Variants in ZNF106 observed in about 807,000 individuals in gnomAD.
ZNF106 encodes the protein zinc finger protein 106.
ZNF106 carries 67 observed loss-of-function variants against 195.1 expected under a neutral mutation model. That is an observed-to-expected ratio of 0.34 (90% CI 0.28 to 0.42). The LOEUF is 0.42. Ranked by LOEUF, ZNF106 falls within the 10% of genes least tolerant of loss-of-function variation. The pLI is 1.00. For missense variants in ZNF106, 2,118 were observed against 2,304.5 expected (o/e 0.92, Z 1.66); for synonymous variants, 784 against 818.6 (o/e 0.96, Z 0.72).
intron 3 of ZNF106, among the ~76,000 whole-genome samples, chr15:42,464,690 C>G (rs2056474005): frequency 6.6e-6 from 1 of 151,894 alleles, no homozygotes; most frequent in Admixed American, 6.6e-5. Flanking sequence ...CTATGCCCAG[C>G]TAATTTTGGG....
Position 42,472,223 on chromosome 15 carries a change from C to A in ZNF106, c.54+13G>T, listed in dbSNP as rs1432534549. On this transcript the variant is annotated intron_variant, in intron 2 of 21. Transcript: ENST00000564754. ...AGTCATAAAGCCTCAGATTCTCCCTCTTCCATTATTACCTTTTTTGAGCTG... is the reference window on the plus strand; with the variant it reads ...AGTCATAAAGCCTCAGATTCTCCCTATTCCATTATTACCTTTTTTGAGCTG... 1 of 1,534,060 alleles carries A rather than the reference C, an allele frequency of 6.5e-7. No homozygotes were observed. Among genetic ancestry groups the A allele is most frequent in the Admixed American group, 2.0e-5 (1 of 50,842 alleles).
At chr15:42,442,052 C>T (rs775536413) in intron 10 of ZNF106, 21 bp downstream of exon 10, 4 of 1,583,226 alleles carry the variant, frequency 2.5e-6, no homozygotes, top group Non-Finnish European at 3.4e-6. Context: ...ATGCCCTTAA[C>T]CCAGAGAAAA....
At chr15:42,449,666 G>T (rs2055909249) in intron 5 of ZNF106, 105 bp downstream of exon 5, 1 of 1,425,906 alleles carries the variant, frequency 7.0e-7, no homozygotes, top group Non-Finnish European at 9.5e-7. Flanking sequence ...GATATTGTTG[G>T]CAAACATTTA....
At chr15:42,477,782 C>T (rs1313619301) in intron 1 of ZNF106, among the ~76,000 whole-genome samples, 9 of 151,598 alleles carry the variant, frequency 5.9e-5, no homozygotes, top group South Asian at 4.2e-4. Flanking sequence ...CCCAGCTACT[C>T]GGGAGGCTGA....
At chr15:42,449,073 C>A (rs1002364886) in intron 5 of ZNF106, among the ~76,000 whole-genome samples, 7 of 151,732 alleles carry the variant, frequency 4.6e-5, no homozygotes, top group African/African-American at 1.7e-4. Flanking sequence ...CTTACAATTT[C>A]AAATGCTACT....
chr15:42,470,025 G>A (rs1179217038), intron 2 of ZNF106, among the ~76,000 whole-genome samples: 1 of 151,980 alleles, frequency 6.6e-6, no homozygotes, highest in East Asian at 1.9e-4. Flanking sequence ...TTGGAGGGGA[G>A]GGGGGACTCA....
At chr15:42,442,614 C>CTTT (rs1209709879) in intron 9 of ZNF106, among the ~76,000 whole-genome samples, 200 bp from the exon 10 acceptor site, 18 of 123,584 alleles carry the variant, frequency 1.5e-4, no homozygotes, top group East Asian at 2.3e-4. Context: ...CATCAACATT[C>CTTT]TTTTTTTTTT....
intron 3 of ZNF106, among the ~76,000 whole-genome samples, chr15:42,459,276 G>C (rs1169658579): frequency 6.6e-6 from 1 of 152,000 alleles, no homozygotes. Context: ...AGGAGTTTGA[G>C]ACCACCCGGG....
chr15:42,438,064 T>A (rs1468064348), intron 12 of ZNF106, among the ~76,000 whole-genome samples: 1 of 151,742 alleles, frequency 6.6e-6, no homozygotes, highest in Non-Finnish European at 1.5e-5. Context: ...TAATACTAAT[T>A]AGTTGAACAG....
chr15:42,481,849 T>C (rs745926780), intron 1 of ZNF106, among the ~76,000 whole-genome samples: 1 of 152,166 alleles, frequency 6.6e-6, no homozygotes, highest in South Asian at 2.1e-4. Context: ...ATTTTTCCTT[T>C]TGTCTGTCAA....
intron 15 of ZNF106, among the ~76,000 whole-genome samples, chr15:42,426,567 T>TA (rs2054866825): frequency 6.7e-6 from 1 of 148,706 alleles, no homozygotes; most frequent in African/African-American, 2.5e-5. Context: ...ACTTAGCTTT[T>TA]TTTTTTTTTT....
chr15:42,430,798 C>A lies in ZNF106; in HGVS notation c.4882-2664G>T, dbSNP rs149919411. Among the ~76,000 whole-genome samples, 1,237 of 151,982 alleles carry A rather than the reference C, an allele frequency of 8.1e-3. 14 individuals are homozygous for A. The highest frequency in any genetic ancestry group is 0.037 in the Middle Eastern group (11 of 294). On this transcript the variant is annotated intron_variant, in intron 14 of 21. Coordinates refer to ENST00000564754, the MANE Select transcript of ZNF106 (RefSeq NM_001366845.3). ...TAAGACTATTTATTACCAAAATATG[C>A]TTACAATTTTTTTTTACAAGTTTGT...
In ZNF106 at chr15:42,450,623, G is replaced by A; in HGVS notation, c.1649C>T (p.Ser550Phe). ...NKSTFGSQKQ[S>F]GDNLNDTLRK... ...TAAAGTATCATTTAAATTATCACCA[G>A]ATTGCTTTTGAGAGCCAAATGTACT... is the stretch of plus-strand genomic sequence containing the variant. The change falls in exon 5 of 22, where the codon TCT becomes TTT. Residue 550 changes from serine to phenylalanine, a missense_variant. Coordinates refer to ENST00000564754, the MANE Select transcript of ZNF106 (RefSeq NM_001366845.3). 1 of 1,614,168 alleles carries A rather than the reference G, an allele frequency of 6.2e-7. No individual in the cohort carries two copies. The highest frequency in any genetic ancestry group is 8.5e-7 in the Non-Finnish European group (1 of 1,180,030).
At chr15:42,490,897 G>A (rs1441474489) in intron 1 of ZNF106, 83 bp downstream of exon 1, 1 of 152,368 alleles carries the variant, frequency 6.6e-6, no homozygotes, top group African/African-American at 2.4e-5. Context: ...GTGTCTTGCA[G>A]CCCCACAACC....
rs2056260565 is a variant in ZNF106, at chr15:42,457,266, G to A, written c.117-108C>T. On this transcript the variant is annotated intron_variant, in intron 3 of 21. Coordinates refer to ENST00000564754, the MANE Select transcript of ZNF106 (RefSeq NM_001366845.3). ...AGGACACTGCACACTTTGGCACAGT[G>A]AAAAATTAGTGCTAATTAATTTCAA... 50 of 1,552,176 alleles carry A rather than the reference G, an allele frequency of 3.2e-5. No individual in the cohort carries two copies. In the South Asian group the frequency reaches 5.1e-4, roughly 16 times the overall value.
chr15:42,452,272 C>T (rs1300104169), intron 4 of ZNF106, among the ~76,000 whole-genome samples: 2 of 151,754 alleles, frequency 1.3e-5, no homozygotes, highest in Non-Finnish European at 2.9e-5. Context: ...TCTATAATTC[C>T]AGCACTTTGG....
At chr15:42,427,907 G>T in intron 15 of ZNF106, 111 bp downstream of exon 15, 1 of 827,684 alleles carries the variant, frequency 1.2e-6, no homozygotes. Flanking sequence ...TAATTCTGCT[G>T]CTTCCTCACA....
rs577380836 is a variant in ZNF106, at chr15:42,446,536, A to C, written c.3205+53T>G. 4,459 of 1,482,840 alleles carry C rather than the reference A, an allele frequency of 3.0e-3. 23 individuals are homozygous for C. The highest frequency in any genetic ancestry group is 0.019 in the Middle Eastern group (110 of 5,842). The allele number at this position is 1,482,840 out of a possible 1,614,324, so 91.9% of individuals were successfully genotyped here. On this transcript the variant is annotated intron_variant, in intron 7 of 21. Coordinates refer to ENST00000564754, the MANE Select transcript of ZNF106 (RefSeq NM_001366845.3). ...AGGTTACCAAAAACCCGCACCCCCC[A>C]AAAAAAACCAAAAAACACCAACTTC...
intron 20 of ZNF106, among the ~76,000 whole-genome samples, chr15:42,419,447 T>C (rs1309997094): frequency 4.7e-5 from 7 of 150,524 alleles, no homozygotes; most frequent in East Asian, 2.0e-4. Flanking sequence ...GAGGCCGAGG[T>C]AGGGTGATTG....
Sources: gnomAD v4.1 joint callset for allele counts (sites outside exome capture counted in the v4.1 genomes callset) on GRCh38, gnomAD v4.1.1 for gene constraint, MANE v1.5 for transcripts, NCBI Gene and HGNC (gene_info 2026-07-23, HGNC 2026-07-21) for gene names.